The following SLC24A2 variants were observed in gnomAD, a reference collection of about 807,000 sequenced individuals.
SLC24A2 encodes solute carrier family 24 member 2, also known as sodium/potassium/calcium exchanger 2.
A neutral mutation model predicts 62.0 loss-of-function variants in SLC24A2; 36 were observed. The observed-to-expected ratio is 0.58, with a 90% CI of 0.44 to 0.77. The LOEUF (loss-of-function observed/expected upper bound fraction) is 0.77. Ranked by LOEUF, SLC24A2 falls within the 30% of genes least tolerant of loss-of-function variation. SLC24A2 has a pLI of 0.00. For synonymous variants in SLC24A2, 358 were observed against 294.0 expected (o/e 1.22, Z -2.23); for missense variants, 846 against 817.9 (o/e 1.03, Z -0.42).
chr9:19,942,045 T>C, the SLC24A2 span, among the ~76,000 whole-genome samples: 2 of 152,226 alleles, frequency 1.3e-5, no homozygotes, highest in African/African-American at 4.8e-5. Context: ...TTTACTACTC[T>C]GACTCTTCAC....
At chr9:19,804,776 G>T in the SLC24A2 span, among the ~76,000 whole-genome samples, 1 of 152,026 alleles carries the variant, frequency 6.6e-6, no homozygotes, top group East Asian at 1.9e-4. Flanking sequence ...TTCATAGATG[G>T]TCTCATCAGG....
At chr9:20,176,249 T>C in the SLC24A2 span, among the ~76,000 whole-genome samples, 2 of 152,064 alleles carry the variant, frequency 1.3e-5, no homozygotes, top group Admixed American at 1.3e-4. Flanking sequence ...TTTGCCCCAA[T>C]TGAGCCATTT....
the SLC24A2 span, among the ~76,000 whole-genome samples, chr9:20,157,020 A>T: frequency 1.3e-5 from 2 of 151,766 alleles, no homozygotes; most frequent in African/African-American, 4.8e-5. Flanking sequence ...AATAACTTTG[A>T]GCCAAAGCAA....
At chr9:19,563,132 TGAA>T (rs1215633714) in intron 7 of SLC24A2, among the ~76,000 whole-genome samples, 1 of 151,804 alleles carries the variant, frequency 6.6e-6, no homozygotes, top group African/African-American at 2.4e-5. Context: ...AACAGTCTGA[TGAA>T]GAGTCTTTTG....
intron 2 of SLC24A2, among the ~76,000 whole-genome samples, chr9:19,704,876 T>G (rs1327418664): frequency 6.6e-6 from 1 of 151,794 alleles, no homozygotes. Context: ...ACTGGGAAAG[T>G]ACTTTCAGGA....
intron 2 of SLC24A2, among the ~76,000 whole-genome samples, chr9:19,726,690 A>C (rs981809541): frequency 1.3e-5 from 2 of 152,226 alleles, no homozygotes; most frequent in African/African-American, 4.8e-5. Context: ...TGACTCACTT[A>C]AAATCATTAC....
the SLC24A2 span, among the ~76,000 whole-genome samples, chr9:20,167,599 A>G: frequency 6.6e-6 from 1 of 152,052 alleles, no homozygotes; most frequent in African/African-American, 2.4e-5. Context: ...GTAAAGGATC[A>G]GTGTCCCTTG....
At chr9:19,549,535 T>C (rs1038150276) in intron 8 of SLC24A2, among the ~76,000 whole-genome samples, 26 of 152,208 alleles carry the variant, frequency 1.7e-4, no homozygotes, top group African/African-American at 4.8e-4. Context: ...TGACCTCTTA[T>C]GTAAAACATT....
At chr9:19,745,911 T>C (rs192185976) in intron 2 of SLC24A2, among the ~76,000 whole-genome samples, 2 of 152,280 alleles carry the variant, frequency 1.3e-5, no homozygotes, top group Admixed American at 1.3e-4. Context: ...TTAATATCAA[T>C]CTAGTTTCCT....
the SLC24A2 span, among the ~76,000 whole-genome samples, chr9:19,814,142 A>T: frequency 5.9e-5 from 9 of 152,290 alleles, no homozygotes; most frequent in African/African-American, 1.9e-4. Flanking sequence ...GTTATTCATC[A>T]TACCCACTGA....
At chr9:19,568,762 A>AT (rs1056061952) in intron 7 of SLC24A2, among the ~76,000 whole-genome samples, 13 of 152,056 alleles carry the variant, frequency 8.5e-5, no homozygotes, top group South Asian at 8.3e-4. Context: ...GTGTTGCTGC[A>AT]TTTTTTTTGG....
the SLC24A2 span, among the ~76,000 whole-genome samples, chr9:20,161,599 T>C: frequency 4.5e-3 from 688 of 151,472 alleles, 2 homozygotes; most frequent in African/African-American, 0.016. Flanking sequence ...TAATTCCCTA[T>C]AATAAGTCTA....
the SLC24A2 span, among the ~76,000 whole-genome samples, chr9:20,058,922 T>G: frequency 6.6e-6 from 1 of 152,216 alleles, no homozygotes; most frequent in Admixed American, 6.5e-5. Context: ...TTTGATACTG[T>G]GTTTTGCCCC....
Position 19,779,391 on chromosome 9 carries a change from A to T in SLC24A2, c.930+6546T>A, listed in dbSNP as rs185100552. 2.5e-3 allele frequency among the ~76,000 whole-genome samples: 386 copies of T among 152,360 alleles called. 6 individuals are homozygous for T. Among genetic ancestry groups the T allele is most frequent in the African/African-American group, 9.1e-3 (378 of 41,582 alleles). ...AAGATAAATTTCTTATAAAGGAGCA[A>T]TGTTTACATGGATGGTAGTCTTTCA... is the stretch of plus-strand genomic sequence containing the variant. On this transcript the variant is annotated intron_variant, in intron 2 of 10. Coordinates refer to ENST00000341998, the MANE Select transcript of SLC24A2 (RefSeq NM_020344.4).
At chr9:19,777,037 C>T (rs556394443) in intron 2 of SLC24A2, among the ~76,000 whole-genome samples, 1 of 152,120 alleles carries the variant, frequency 6.6e-6, no homozygotes, top group Non-Finnish European at 1.5e-5. Context: ...ATAATTCTCC[C>T]ATTAAAACAA....
intron 4 of SLC24A2, 128 bp downstream of exon 4, chr9:19,619,456 T>C: frequency 3.7e-6 from 3 of 805,738 alleles, no homozygotes; most frequent in Non-Finnish European, 6.7e-6. Context: ...GGGCTGCTTC[T>C]GGCAGAAGCT....
the SLC24A2 span, among the ~76,000 whole-genome samples, chr9:20,195,893 CA>C: frequency 6.6e-6 from 1 of 150,542 alleles, no homozygotes; most frequent in Non-Finnish European, 1.5e-5. Flanking sequence ...CCATGGTATA[CA>C]AAAAAAAGGT....
chr9:19,522,000 T>A (rs952844805), intron 9 of SLC24A2, among the ~76,000 whole-genome samples: 5 of 152,188 alleles, frequency 3.3e-5, no homozygotes, highest in Non-Finnish European at 7.3e-5. Flanking sequence ...CTTGGGACTT[T>A]TTAGAAAAAC....
the SLC24A2 span, among the ~76,000 whole-genome samples, chr9:20,240,148 C>CT: frequency 2.6e-5 from 4 of 152,086 alleles, no homozygotes; most frequent in African/African-American, 9.7e-5. Context: ...AGGCACTGTC[C>CT]TTTTCAAGAA....
Sources: gnomAD v4.1 joint callset for allele counts (sites outside exome capture counted in the v4.1 genomes callset) on GRCh38, gnomAD v4.1.1 for gene constraint, MANE v1.5 for transcripts, NCBI Gene and HGNC (gene_info 2026-07-23, HGNC 2026-07-21) for gene names.